Variants in PLD1 observed in about 807,000 individuals in gnomAD.
PLD1 encodes choline phosphatase 1.
In PLD1, 112 loss-of-function variants were observed where a neutral mutation model predicts 137.1. The observed-to-expected ratio is 0.82, with a 90% CI of 0.70 to 0.96. The LOEUF is 0.96. Ranked by LOEUF, PLD1 falls within the 40% of genes least tolerant of loss-of-function variation. The pLI is 0.00. For missense variants in PLD1, 1,321 were observed against 1,342.0 expected (o/e 0.98, Z 0.24); for synonymous variants, 431 against 454.7 (o/e 0.95, Z 0.66).
chr3:171,803,096 T>A (rs2108360267), intron 1 of PLD1, among the ~76,000 whole-genome samples: 1 of 152,342 alleles, frequency 6.6e-6, no homozygotes, highest in South Asian at 2.1e-4. Flanking sequence ...AGCCAGACTT[T>A]GGAACTACTG....
chr3:171,654,373 T>C (rs972557803), intron 21 of PLD1: 1 of 256,604 alleles, frequency 3.9e-6, no homozygotes, highest in South Asian at 3.5e-5. Context: ...TGTAGTTTAA[T>C]AGCATATTTT....
chr3:171,618,720 ATGTGTGTGTGTG>A (rs199668732), intron 24 of PLD1, among the ~76,000 whole-genome samples: 8 of 140,656 alleles, frequency 5.7e-5, no homozygotes, highest in African/African-American at 1.6e-4. Flanking sequence ...AAAAGTGTGT[ATGTGTGTGTGTG>A]TGTGTGTGTG....
intron 1 of PLD1, among the ~76,000 whole-genome samples, chr3:171,758,459 G>T (rs1410895056): frequency 6.6e-6 from 1 of 152,166 alleles, no homozygotes; most frequent in African/African-American, 2.4e-5. Context: ...CTCTGGGACT[G>T]TCGACAATTA....
At chr3:171,610,246 A>T (rs1732545698) in intron 25 of PLD1, among the ~76,000 whole-genome samples, 1 of 152,240 alleles carries the variant, frequency 6.6e-6, no homozygotes, top group East Asian at 1.9e-4. Flanking sequence ...GAATTATGGC[A>T]TACACATACA....
At position 171,676,978 on chromosome 3, in the gene PLD1, A is replaced by G. The variant is rs913860958; in HGVS notation, c.1997-145T>C. The G allele has an allele frequency of 9.3e-5, 56 of 599,084 alleles. 1 individual carries two copies. Among genetic ancestry groups the G allele is most frequent in the Non-Finnish European group, 1.6e-4 (55 of 333,418 alleles). 37.1% of individuals were successfully genotyped at this position (599,084 alleles called of 1,614,324 possible). A position where few individuals can be genotyped will look rare whatever the true frequency, so the allele number is the denominator to read the frequency against. ...TTGGCTTGCATAGAACAACATTTTT[A>G]TAATCAAGGGAAACAGATTTCACAT... On this transcript the variant is annotated intron_variant, in intron 17 of 26. Transcript: ENST00000351298.
rs1260249924 is a variant in PLD1 at position 171,601,962 on chromosome 3, A to G, written c.*1116T>C. ...GCGTTAATACATATTTAATAATGTA[A>G]GTGAAGTAGCACATATTTTATAATC... On this transcript the variant is annotated 3_prime_UTR_variant, in exon 27 of 27. Coordinates refer to ENST00000351298, the MANE Select transcript of PLD1 (RefSeq NM_002662.5). 1 of 152,226 alleles carries G rather than the reference A, an allele frequency of 6.6e-6. No homozygotes were observed. The highest frequency in any genetic ancestry group is 2.4e-5 in the African/African-American group (1 of 41,460). 9.4% of individuals were successfully genotyped at this position (152,226 alleles called of 1,614,324 possible).
intron 1 of PLD1, among the ~76,000 whole-genome samples, chr3:171,747,215 C>T (rs114870930): frequency 0.017 from 2,635 of 152,270 alleles, 86 homozygotes; most frequent in African/African-American, 0.061. Context: ...CAAGGGTCTG[C>T]GGCTTCATTC....
chr3:171,708,394 A>T (rs951697818), intron 11 of PLD1, among the ~76,000 whole-genome samples: 2 of 152,194 alleles, frequency 1.3e-5, no homozygotes, highest in Non-Finnish European at 2.9e-5. Context: ...GAAGAAGTAT[A>T]TTCACTGGCC....
intron 9 of PLD1, among the ~76,000 whole-genome samples, chr3:171,710,659 G>A (rs1488994922): frequency 6.6e-6 from 1 of 152,034 alleles, no homozygotes; most frequent in Non-Finnish European, 1.5e-5. Context: ...GGGGGTTGGC[G>A]ACCCCTGCTC....
chr3:171,757,028 C>T (rs1023455762), intron 1 of PLD1, among the ~76,000 whole-genome samples: 1 of 152,054 alleles, frequency 6.6e-6, no homozygotes, highest in African/African-American at 2.4e-5. Context: ...TCCTTGATCC[C>T]ATGGCAGAAA....
At chr3:171,708,904 G>T in intron 10 of PLD1, 66 bp from the exon 11 acceptor site, 1 of 1,019,554 alleles carries the variant, frequency 9.8e-7, no homozygotes, top group Non-Finnish European at 1.5e-6. Flanking sequence ...TTATCTTATG[G>T]TAAAGCAAAA....
intron 16 of PLD1, among the ~76,000 whole-genome samples, chr3:171,686,393 C>T (rs896882120): frequency 6.6e-6 from 1 of 152,144 alleles, no homozygotes; most frequent in African/African-American, 2.4e-5. Flanking sequence ...TCTGCATCAT[C>T]AGAGAGGAAT....
chr3:171,699,381 T>C (rs1363475389), intron 12 of PLD1, among the ~76,000 whole-genome samples: 2 of 152,240 alleles, frequency 1.3e-5, no homozygotes, highest in African/African-American at 4.8e-5. Context: ...TGAGTTTTCC[T>C]TTTGCTTAAA....
chr3:171,668,154 G>C (rs1327133130), intron 19 of PLD1, among the ~76,000 whole-genome samples: 3 of 152,198 alleles, frequency 2.0e-5, no homozygotes, highest in Non-Finnish European at 2.9e-5. Context: ...ATGTATATGA[G>C]ATAATGCACA....
At chr3:171,699,244 A>G (rs1716034865) in intron 12 of PLD1, among the ~76,000 whole-genome samples, 1 of 152,214 alleles carries the variant, frequency 6.6e-6, no homozygotes, top group African/African-American at 2.4e-5. Flanking sequence ...CACAGGAAAC[A>G]GTTTCACATT....
At chr3:171,657,278 A>G (rs1282771694) in intron 21 of PLD1, among the ~76,000 whole-genome samples, 1 of 152,260 alleles carries the variant, frequency 6.6e-6, no homozygotes, top group Admixed American at 6.5e-5. Flanking sequence ...TAAAATGCTG[A>G]TAGTTACTGT....
intron 1 of PLD1, among the ~76,000 whole-genome samples, chr3:171,784,122 A>G (rs1722899604): frequency 6.6e-6 from 1 of 152,214 alleles, no homozygotes; most frequent in African/African-American, 2.4e-5. Flanking sequence ...TGGGAAATAT[A>G]AGACACATAA....
intron 19 of PLD1, among the ~76,000 whole-genome samples, chr3:171,670,863 A>G (rs892145387): frequency 6.6e-6 from 1 of 152,206 alleles, no homozygotes; most frequent in Non-Finnish European, 1.5e-5. Flanking sequence ...AAAAATTAAG[A>G]AGTGTATCTG....
chr3:171,702,551 T>C lies in PLD1; in HGVS notation c.1146-2725A>G, dbSNP rs145088858. ...GGGCCTAGAGGCATTATAATTATAT[T>C]AAATGAATAATAACTATTAAAAATA... On this transcript the variant is annotated intron_variant, in intron 11 of 26. Coordinates refer to ENST00000351298, the MANE Select transcript of PLD1 (RefSeq NM_002662.5). Among the ~76,000 whole-genome samples the C allele has an allele frequency of 2.6e-5, 4 of 152,070 alleles. 1 individual carries two copies. Among genetic ancestry groups the C allele is most frequent in the African/African-American group, 9.6e-5 (4 of 41,524 alleles).
Sources: gnomAD v4.1 joint callset for allele counts (sites outside exome capture counted in the v4.1 genomes callset) on GRCh38, gnomAD v4.1.1 for gene constraint, MANE v1.5 for transcripts, NCBI Gene and HGNC (gene_info 2026-07-23, HGNC 2026-07-21) for gene names.